TCERG1L: variants seen among roughly 807,000 people sequenced by gnomAD.
The protein encoded by TCERG1L is transcription elongation regulator 1 like.
Under a neutral mutation model 56.3 loss-of-function variants are expected in TCERG1L, and 37 were observed. That is an observed-to-expected ratio of 0.66 (90% CI 0.51 to 0.87). The LOEUF (loss-of-function observed/expected upper bound fraction) is 0.87, where lower values mean the gene tolerates loss of function less well. Among genes scored for constraint, TCERG1L ranks in the 40% least tolerant of loss-of-function variants. TCERG1L has a pLI of 0.00. For missense variants in TCERG1L, 799 were observed against 774.2 expected (o/e 1.03, Z -0.38); for synonymous variants, 324 against 326.3 (o/e 0.99, Z 0.08).
chr10:131,233,894 C>T (rs976912407), intron 4 of TCERG1L, among the ~76,000 whole-genome samples: 7 of 152,148 alleles, frequency 4.6e-5, no homozygotes, highest in African/African-American at 7.2e-5. Flanking sequence ...AATGCATTCT[C>T]GCTCTGGACA....
chr10:131,164,395 T>C (rs750345584), intron 5 of TCERG1L, among the ~76,000 whole-genome samples: 9 of 152,214 alleles, frequency 5.9e-5, no homozygotes, highest in South Asian at 4.1e-4. Flanking sequence ...CGCAGGTCTT[T>C]GTTCAGTCAG....
chr10:131,099,639 C>T (rs1483335700), intron 10 of TCERG1L, among the ~76,000 whole-genome samples: 1 of 152,094 alleles, frequency 6.6e-6, no homozygotes, highest in African/African-American at 2.4e-5. Flanking sequence ...GTGAAAGCCT[C>T]GACCCCAGCA....
intron 10 of TCERG1L, among the ~76,000 whole-genome samples, chr10:131,101,098 T>G (rs2133380189): frequency 6.6e-6 from 1 of 152,350 alleles, no homozygotes; most frequent in South Asian, 2.1e-4. Context: ...AGCTATATTC[T>G]CATCTCATCT....
intron 7 of TCERG1L, among the ~76,000 whole-genome samples, chr10:131,145,670 G>T (rs12257824): frequency 0.047 from 7,178 of 152,242 alleles, 232 homozygotes; most frequent in South Asian, 0.19. Context: ...CCTCAATGAC[G>T]TGAAATTAAA....
At chr10:131,138,863 GAA>G (rs1363138867) in intron 7 of TCERG1L, among the ~76,000 whole-genome samples, 1 of 151,776 alleles carries the variant, frequency 6.6e-6, no homozygotes, top group African/African-American at 2.4e-5. Context: ...ACCACAGTGA[GAA>G]AAAAAATCAA....
intron 7 of TCERG1L, among the ~76,000 whole-genome samples, chr10:131,135,758 C>T (rs1845669195): frequency 6.6e-6 from 1 of 152,222 alleles, no homozygotes; most frequent in African/African-American, 2.4e-5. Context: ...CTGCCCTGTA[C>T]CTTCCAGCAA....
intron 4 of TCERG1L, among the ~76,000 whole-genome samples, chr10:131,245,320 C>G (rs1846019455): frequency 6.6e-6 from 1 of 152,198 alleles, no homozygotes; most frequent in African/African-American, 2.4e-5. Flanking sequence ...GCCAGGCCTA[C>G]CTCTTTGGGG....
intron 8 of TCERG1L, 46 bp from the exon 9 acceptor site, chr10:131,116,980 A>G: frequency 6.4e-7 from 1 of 1,571,734 alleles, no homozygotes. Context: ...GTGGGGACCC[A>G]GCTGGTTTTT....
rs775629681 is a variant in TCERG1L at position 131,267,582 on chromosome 10, G to A, written c.671-7138C>T. On this transcript the variant is annotated intron_variant, in intron 3 of 11. Coordinates refer to ENST00000368642, the MANE Select transcript of TCERG1L (RefSeq NM_174937.4). The surrounding 1 kb of genome is among the most constrained non-coding windows in gnomAD (Gnocchi z 4.9). Reference sequence around the variant, plus strand: ...TGGTGGCCCTTGCACAAGTGAACCCGATGTTCCTGGGGCTGGTCCCATGAG... The same window carrying A: ...TGGTGGCCCTTGCACAAGTGAACCCAATGTTCCTGGGGCTGGTCCCATGAG... 1.3e-5 allele frequency among the ~76,000 whole-genome samples: 2 copies of A among 152,206 alleles called. No homozygotes were observed. Among genetic ancestry groups the A allele is most frequent in the Admixed American group, 6.5e-5 (1 of 15,286 alleles).
At chr10:131,277,304 A>G (rs966331732) in intron 3 of TCERG1L, among the ~76,000 whole-genome samples, 9 of 152,216 alleles carry the variant, frequency 5.9e-5, no homozygotes, top group Non-Finnish European at 1.0e-4. Context: ...ATGTGAGTTC[A>G]TTATGTGAAC....
At chr10:131,112,935 C>A (rs1845425280) in intron 9 of TCERG1L, among the ~76,000 whole-genome samples, 1 of 142,066 alleles carries the variant, frequency 7.0e-6, no homozygotes, top group African/African-American at 2.5e-5. Flanking sequence ...CAATCCCTAG[C>A]GTTTAGAGGT....
chr10:131,167,892 G>A (rs1846049365), intron 4 of TCERG1L, among the ~76,000 whole-genome samples: 1 of 152,208 alleles, frequency 6.6e-6, no homozygotes, highest in South Asian at 2.1e-4. Flanking sequence ...GTAAAGCAAG[G>A]TTGAGCTCTG....
chr10:131,210,686 C>T (rs564656293), intron 4 of TCERG1L, among the ~76,000 whole-genome samples: 1 of 152,234 alleles, frequency 6.6e-6, no homozygotes, highest in South Asian at 2.1e-4. Context: ...CTCATCTCCG[C>T]CCTTCCCTCA....
rs1846225811 is a variant in TCERG1L, at chr10:131,260,444, C to T, written c.671G>A (p.Gly224Asp). 7.1e-7 allele frequency: 1 copy of T among 1,407,490 alleles called. No individual in the cohort carries two copies. Among genetic ancestry groups the T allele is most frequent in the East Asian group, 3.1e-5 (1 of 32,688 alleles). 87.2% of individuals were successfully genotyped at this position (1,407,490 alleles called of 1,614,324 possible). ...TVVLAPQPIP[G>D]GCHNSLKVTS... ...CACCTTAAGGCTGTTATGGCAGCCA[C>T]CTGCGGAAGAGGGATGCAGAGGGTC... Residue 224 changes from glycine (G) to aspartate (D), a missense_variant and splice_region_variant, in exon 4 of 12, where the codon GGT (glycine) becomes GAT (aspartate). Coordinates refer to ENST00000368642, the MANE Select transcript of TCERG1L (RefSeq NM_174937.4). This position sits in a 1 kb window ranked among gnomAD's most constrained non-coding sequence, Gnocchi z 5.8.
rs1013285503 is a variant in TCERG1L, at chr10:131,093,323, AAAAG to A, written c.1605-9_1605-6del. The A allele has an allele frequency of 1.3e-5, 21 of 1,611,594 alleles. No individual in the cohort carries two copies. Among genetic ancestry groups the A allele is most frequent in the African/African-American group, 1.1e-4 (8 of 74,602 alleles). On this transcript the variant is annotated splice_polypyrimidine_tract_variant and splice_region_variant and intron_variant, in intron 11 of 11. Transcript: ENST00000368642. ...GCAAACTCCTTAAACGTGGTCCTGA[AAAAG>A]AAAGAGTTTCCTGAGACACCTTCCA...
intron 9 of TCERG1L, among the ~76,000 whole-genome samples, chr10:131,105,440 T>TG (rs1056887752): frequency 2.6e-5 from 4 of 152,174 alleles, no homozygotes; most frequent in East Asian, 3.9e-4. Context: ...GGAAATGTCC[T>TG]GGGGGGGATA....
chr10:131,233,006 T>A (rs1351734390), intron 4 of TCERG1L, among the ~76,000 whole-genome samples: 1 of 152,248 alleles, frequency 6.6e-6, no homozygotes, highest in African/African-American at 2.4e-5. Context: ...ATTTTAAATA[T>A]CACAAGTAGG....
rs150011623 is a variant in TCERG1L at position 131,106,903 on chromosome 10, C to G, written c.1396-2549G>C. ...ATTTAAGCCTTTTCTGTAATACCCA[C>G]GAGCTCTTTTATTGGGTGGGATGAC... On this transcript the variant is annotated intron_variant, in intron 9 of 11. Coordinates refer to ENST00000368642, the MANE Select transcript of TCERG1L (RefSeq NM_174937.4). 2.3e-3 allele frequency among the ~76,000 whole-genome samples: 345 copies of G among 152,306 alleles called. 2 individuals are homozygous for G. The highest frequency in any genetic ancestry group is 8.0e-3 in the African/African-American group (331 of 41,558).
At chr10:131,139,721 T>G (rs984238726) in intron 7 of TCERG1L, among the ~76,000 whole-genome samples, 2 of 152,060 alleles carry the variant, frequency 1.3e-5, no homozygotes, top group African/African-American at 2.4e-5. Context: ...TCTGTGTGTA[T>G]GTGTGCCTGT....
Sources: gnomAD v4.1 joint callset for allele counts (sites outside exome capture counted in the v4.1 genomes callset) on GRCh38, gnomAD v4.1.1 for gene constraint, Gnocchi (gnomAD v3.1) non-coding constraint, MANE v1.5 for transcripts, NCBI Gene and HGNC (gene_info 2026-07-23, HGNC 2026-07-21) for gene names.